The following MAPK1IP1L variants were observed in gnomAD, a reference collection of about 807,000 sequenced individuals.
MAPK1IP1L encodes mitogen-activated protein kinase 1 interacting protein 1 like, also known as MAPK-interacting and spindle-stabilizing protein-like.
In MAPK1IP1L, 10 loss-of-function variants were observed where a neutral mutation model predicts 18.1. The observed-to-expected ratio is 0.55, with a 90% confidence interval of 0.34 to 0.94. The LOEUF is 0.94. Ranked by LOEUF, MAPK1IP1L falls within the 40% of genes least tolerant of loss-of-function variation. The pLI is 0.02. For synonymous variants in MAPK1IP1L, 115 were observed against 117.3 expected, an observed-to-expected ratio of 0.98 and a Z score of 0.13; for missense variants, 260 against 318.2, an observed-to-expected ratio of 0.82 and a Z score of 1.39.
intron 3 of MAPK1IP1L, among the ~76,000 whole-genome samples, chr14:55,063,584 CAA>C (rs2042837603): frequency 6.6e-6 from 1 of 152,206 alleles, no homozygotes; most frequent in Non-Finnish European, 1.5e-5. Context: ...GCAGTGTCCT[CAA>C]TAGCATCCTT....
At chr14:55,057,422 A>T (rs894174736) in intron 1 of MAPK1IP1L, among the ~76,000 whole-genome samples, 1 of 152,236 alleles carries the variant, frequency 6.6e-6, no homozygotes, top group Non-Finnish European at 1.5e-5. Context: ...TAACAAAAAC[A>T]TCACTAAACT....
In MAPK1IP1L at chr14:55,063,012, C is replaced by T. The variant is rs758780447; in HGVS notation, c.413C>T (p.Ala138Val). 6 of 1,613,936 alleles carry T rather than the reference C, an allele frequency of 3.7e-6. No individual in the cohort carries two copies. The highest frequency in any genetic ancestry group is 5.1e-6 in the Non-Finnish European group (6 of 1,179,824). Reference protein sequence around the residue: ...RPYGAPTDPAAAGPLGPWGSM... With the variant: ...RPYGAPTDPAVAGPLGPWGSM... Reference sequence around the variant, plus strand: ...TATGGTGCACCCACAGATCCAGCTGCAGCTGGTCCTTTAGGTCCATGGGGA... The same window carrying T: ...TATGGTGCACCCACAGATCCAGCTGTAGCTGGTCCTTTAGGTCCATGGGGA... The change falls in exon 3 of 4, where the codon GCA becomes GTA. Residue 138 changes from alanine (A) to valine (V), a missense_variant. By Grantham distance (64) the Ala-to-Val change is moderately conservative. Coordinates refer to ENST00000395468, the MANE Select transcript of MAPK1IP1L (RefSeq NM_144578.4).
Position 55,061,712 on chromosome 14 carries a change from C to A in MAPK1IP1L, c.18+11C>A, listed in dbSNP as rs374347837. ...TCTGATGAATTTTCGGTAAGTTGATCAGTTTATCTGTGATAAGTTTTTCAT... is the reference window on the plus strand; with the variant it reads ...TCTGATGAATTTTCGGTAAGTTGATAAGTTTATCTGTGATAAGTTTTTCAT... On this transcript the variant is annotated intron_variant, in intron 2 of 3. Transcript: ENST00000395468. The A allele has an allele frequency of 5.1e-6, 8 of 1,564,072 alleles. No homozygotes were observed. The highest frequency in any genetic ancestry group is 7.0e-6 in the Non-Finnish European group (8 of 1,148,176).
intron 2 of MAPK1IP1L, among the ~76,000 whole-genome samples, chr14:55,061,969 C>T (rs1367356846): frequency 1.3e-5 from 2 of 152,108 alleles, no homozygotes; most frequent in African/African-American, 4.8e-5. Context: ...TTTTGTGATT[C>T]TTGGCTTTGG....
intron 1 of MAPK1IP1L, among the ~76,000 whole-genome samples, chr14:55,060,051 G>A (rs1170631042): frequency 1.3e-5 from 2 of 150,426 alleles, no homozygotes; most frequent in African/African-American, 2.4e-5. Context: ...CAGAAGCCAC[G>A]TATAGGAAAA....
intron 1 of MAPK1IP1L, among the ~76,000 whole-genome samples, chr14:55,056,598 C>G (rs1017116164): frequency 2.6e-5 from 4 of 152,174 alleles, no homozygotes; most frequent in Non-Finnish European, 4.4e-5. Context: ...CAAGCTCCGC[C>G]TCCTGGGTTC....
At chr14:55,062,540 C>T in intron 2 of MAPK1IP1L, 78 bp from the exon 3 acceptor site, 1 of 1,174,870 alleles carries the variant, frequency 8.5e-7, no homozygotes, top group South Asian at 1.5e-5. Flanking sequence ...CTATAGGTTA[C>T]TATTCTCTGT....
Position 55,057,754 on chromosome 14 carries a change from CA to C in MAPK1IP1L, c.-4-3911del, listed in dbSNP as rs56295502. 5.1e-3 allele frequency among the ~76,000 whole-genome samples: 653 copies of C among 127,134 alleles called. 2 individuals carry two copies. Among genetic ancestry groups the C allele is most frequent in the African/African-American group, 0.012 (407 of 34,912 alleles). The allele number at this position is 127,134 out of a possible 152,430, so 83.4% of individuals were successfully genotyped here. On this transcript the variant is annotated intron_variant, in intron 1 of 3. Transcript: ENST00000395468. ...CTGGCGACAGAGCGAGACTCCATCT[CA>C]AAAAAAAAAAAAAATTTAAATGATT...
chr14:55,061,856 T>C (rs2140260726), intron 2 of MAPK1IP1L, among the ~76,000 whole-genome samples, 155 bp downstream of exon 2: 1 of 152,328 alleles, frequency 6.6e-6, no homozygotes. Flanking sequence ...GAGGATCCCT[T>C]GACCCCAAGA....
At chr14:55,058,064 G>A (rs2042785683) in intron 1 of MAPK1IP1L, among the ~76,000 whole-genome samples, 1 of 152,216 alleles carries the variant, frequency 6.6e-6, no homozygotes, top group Non-Finnish European at 1.5e-5. Context: ...CAGAGTCCAA[G>A]TTGGGAACCA....
chr14:55,058,613 G>T (rs954842020), intron 1 of MAPK1IP1L, among the ~76,000 whole-genome samples: 14 of 151,988 alleles, frequency 9.2e-5, no homozygotes, highest in African/African-American at 1.2e-4. Context: ...GGCGGATCAC[G>T]TGAGGCCAGG....
At chr14:55,057,626 C>T (rs966828488) in intron 1 of MAPK1IP1L, among the ~76,000 whole-genome samples, 1 of 151,928 alleles carries the variant, frequency 6.6e-6, no homozygotes, top group Non-Finnish European at 1.5e-5. Flanking sequence ...TGTAGTGGCC[C>T]GCACCTGTAG....
chr14:55,068,940 G>A lies in MAPK1IP1L; in HGVS notation c.*4313G>A, dbSNP rs2042885540. 1 of 151,802 alleles carries A rather than the reference G, an allele frequency of 6.6e-6. No homozygotes were observed. The highest frequency in any genetic ancestry group is 1.5e-5 in the Non-Finnish European group (1 of 68,002). The allele number at this position is 151,802 out of a possible 1,614,324, so 9.4% of individuals were successfully genotyped here. On this transcript the variant is annotated 3_prime_UTR_variant, in exon 4 of 4. Coordinates refer to ENST00000395468, the MANE Select transcript of MAPK1IP1L (RefSeq NM_144578.4). ...CATTCATTATTAGTTTTACCTAAAC[G>A]TGTTAGGATCACTACTGGTGGAAAT...
chr14:55,054,882 G>T (rs540961936), intron 1 of MAPK1IP1L, among the ~76,000 whole-genome samples: 1 of 152,256 alleles, frequency 6.6e-6, no homozygotes, highest in Admixed American at 6.5e-5. Flanking sequence ...TATGTCAAAA[G>T]ACATTTTGTA....
At chr14:55,055,767 C>T (rs751122108) in intron 1 of MAPK1IP1L, among the ~76,000 whole-genome samples, 12 of 152,042 alleles carry the variant, frequency 7.9e-5, no homozygotes, top group Non-Finnish European at 1.3e-4. Context: ...CCCGTCTCTA[C>T]CAAAAATTAA....
intron 1 of MAPK1IP1L, among the ~76,000 whole-genome samples, chr14:55,055,704 G>A (rs1307014742): frequency 6.6e-6 from 1 of 152,162 alleles, no homozygotes. Flanking sequence ...ACTGAGGTGG[G>A]CGGATTACTT....
rs1331024043 is a variant in MAPK1IP1L, at chr14:55,069,035, G to C, written c.*4408G>C. The C allele has an allele frequency of 1.3e-5, 2 of 150,504 alleles. No homozygotes were observed. Among genetic ancestry groups the C allele is most frequent in the Non-Finnish European group, 3.0e-5 (2 of 67,658 alleles). The allele number at this position is 150,504 out of a possible 1,614,324, so 9.3% of individuals were successfully genotyped here. A position where few individuals can be genotyped will look rare whatever the true frequency, so the allele number is the denominator to read the frequency against. On this transcript the variant is annotated 3_prime_UTR_variant, in exon 4 of 4. Coordinates refer to ENST00000395468, the MANE Select transcript of MAPK1IP1L (RefSeq NM_144578.4). ...CTTTTTTTTTTTTTAAGAATTTAAT[G>C]TTTTTCAAGATTGTAGTGTTGATCA...
rs1457781059 is a variant in MAPK1IP1L, at chr14:55,065,471, T to C, written c.*844T>C. The C allele has an allele frequency of 6.6e-6, 1 of 152,180 alleles. No individual in the cohort carries two copies. The highest frequency in any genetic ancestry group is 1.5e-5 in the Non-Finnish European group (1 of 68,032). The allele number at this position is 152,180 out of a possible 1,614,324, so 9.4% of individuals were successfully genotyped here. Reference sequence around the variant, plus strand: ...CCTCAAACTAGATAAACCCTAGGAATTGCTTAACTGCAACAAGTAATTTTC... The same window carrying C: ...CCTCAAACTAGATAAACCCTAGGAACTGCTTAACTGCAACAAGTAATTTTC... On this transcript the variant is annotated 3_prime_UTR_variant, in exon 4 of 4. Coordinates refer to ENST00000395468, the MANE Select transcript of MAPK1IP1L (RefSeq NM_144578.4).
Position 55,051,751 on chromosome 14 carries a change from C to A in MAPK1IP1L, c.-57C>A, listed in dbSNP as rs553925015. 4 of 514,736 alleles carry A rather than the reference C, an allele frequency of 7.8e-6. No homozygotes were observed. Among genetic ancestry groups the A allele is most frequent in the African/African-American group, 5.9e-5 (3 of 51,138 alleles). 31.9% of individuals were successfully genotyped at this position (514,736 alleles called of 1,614,324 possible). On this transcript the variant is annotated 5_prime_UTR_variant, in exon 1 of 4. Transcript: ENST00000395468. Reference sequence around the variant, plus strand: ...TGCGCCCGCGTCTTCAGGGCCCAGTCCCTCGGACCCATCGCCGCTTCTAGA... The same window carrying A: ...TGCGCCCGCGTCTTCAGGGCCCAGTACCTCGGACCCATCGCCGCTTCTAGA...
Sources: allele counts gnomAD v4.1 joint callset (sites outside exome capture counted in the v4.1 genomes callset), GRCh38; gene constraint gnomAD v4.1.1; transcripts MANE v1.5; gene names NCBI Gene and HGNC (gene_info 2026-07-23, HGNC 2026-07-21).